TMEM232: variants seen among roughly 807,000 people sequenced by gnomAD.
TMEM232 encodes transmembrane protein 232.
A neutral mutation model predicts 78.8 loss-of-function variants in TMEM232; 80 were observed. That is an observed-to-expected ratio of 1.01 (90% CI 0.85 to 1.22). TMEM232 has a LOEUF of 1.22. TMEM232 is among the 50% of genes most tolerant of loss of function. The pLI is 0.00. For synonymous variants in TMEM232, 297 were observed against 254.3 expected, an observed-to-expected ratio of 1.17 and a Z score of -1.60; for missense variants, 881 against 742.2, an observed-to-expected ratio of 1.19 and a Z score of -2.17.
intron 11 of TMEM232, among the ~76,000 whole-genome samples, chr5:110,533,795 C>A (rs887159661): frequency 6.6e-6 from 1 of 152,160 alleles, no homozygotes; most frequent in Admixed American, 6.5e-5. Flanking sequence ...CTGTTCCTCA[C>A]CCTGATCACA....
chr5:110,396,191 T>C (rs1187015607), intron 3 of TMEM232, among the ~76,000 whole-genome samples: 1 of 152,148 alleles, frequency 6.6e-6, no homozygotes, highest in African/African-American at 2.4e-5. Flanking sequence ...AAACTACTGC[T>C]TTTAAACCAT....
At chr5:110,405,030 A>G (rs150660389) in intron 2 of TMEM232, among the ~76,000 whole-genome samples, 2 of 152,306 alleles carry the variant, frequency 1.3e-5, no homozygotes, top group African/African-American at 4.8e-5. Context: ...GAAGCTGATA[A>G]ACAGAAAGAA....
At chr5:110,590,360 A>C (rs1053564013) in intron 10 of TMEM232, among the ~76,000 whole-genome samples, 1 of 152,126 alleles carries the variant, frequency 6.6e-6, no homozygotes, top group Admixed American at 6.6e-5. Flanking sequence ...TGGGCCATAC[A>C]ATAGGAGATG....
chr5:110,684,030 TA>T (rs1178075718), intron 1 of TMEM232, among the ~76,000 whole-genome samples: 2 of 151,780 alleles, frequency 1.3e-5, no homozygotes, highest in Non-Finnish European at 2.9e-5. Context: ...TAAAAACAAA[TA>T]AAAAAACTTT....
chr5:110,695,771 A>G (rs551589520), intron 1 of TMEM232, among the ~76,000 whole-genome samples: 28 of 152,334 alleles, frequency 1.8e-4, no homozygotes, highest in African/African-American at 6.5e-4. Flanking sequence ...GAATCTCTGA[A>G]TAGACCAATA....
chr5:110,487,456 T>C (rs1764586129), intron 12 of TMEM232, among the ~76,000 whole-genome samples: 1 of 152,168 alleles, frequency 6.6e-6, no homozygotes. Flanking sequence ...TTGTCATAGA[T>C]GGCTTTTATT....
chr5:110,704,948 G>A (rs181249276), intron 1 of TMEM232, among the ~76,000 whole-genome samples: 18 of 152,170 alleles, frequency 1.2e-4, no homozygotes, highest in Admixed American at 1.0e-3. Context: ...TTTGTGACTG[G>A]AGGTCTATGA....
chr5:110,578,677 A>T (rs1777834651), intron 10 of TMEM232, among the ~76,000 whole-genome samples: 1 of 151,938 alleles, frequency 6.6e-6, no homozygotes, highest in African/African-American at 2.4e-5. Flanking sequence ...ACCACTGATT[A>T]GAAGGGATCT....
At chr5:110,681,749 A>G (rs1792778629) in intron 1 of TMEM232, among the ~76,000 whole-genome samples, 2 of 152,228 alleles carry the variant, frequency 1.3e-5, no homozygotes, top group East Asian at 1.9e-4. Context: ...CTTGGTCACA[A>G]ATACTAATCA....
intron 2 of TMEM232, 89 bp from the exon 3 acceptor site, chr5:110,642,460 C>T (rs1786871138): frequency 2.3e-6 from 2 of 872,536 alleles, no homozygotes; most frequent in South Asian, 3.9e-5. Flanking sequence ...CTATGTATAA[C>T]TATATTCTAG....
chr5:110,428,517 G>C (rs1757488773), intron 12 of TMEM232, among the ~76,000 whole-genome samples: 1 of 151,680 alleles, frequency 6.6e-6, no homozygotes, highest in Middle Eastern at 3.2e-3. Flanking sequence ...GGGAGGTCTA[G>C]GAGCCTAACT....
intron 1 of TMEM232, among the ~76,000 whole-genome samples, chr5:110,678,930 G>A (rs1792367653): frequency 6.6e-6 from 1 of 152,022 alleles, no homozygotes. Flanking sequence ...TCTACTGAAG[G>A]ACATCTTAGT....
At chr5:110,661,526 G>A (rs1025035377) in intron 2 of TMEM232, among the ~76,000 whole-genome samples, 1 of 151,982 alleles carries the variant, frequency 6.6e-6, no homozygotes, top group Non-Finnish European at 1.5e-5. Flanking sequence ...TACCCAGGCT[G>A]GTCTCAAACT....
chr5:110,708,178 C>A (rs1796128947), intron 1 of TMEM232, among the ~76,000 whole-genome samples: 1 of 152,088 alleles, frequency 6.6e-6, no homozygotes, highest in Non-Finnish European at 1.5e-5. Context: ...TAGGTCCCAG[C>A]TTGGTCATAG....
At chr5:110,587,637 G>T (rs946823536) in intron 10 of TMEM232, among the ~76,000 whole-genome samples, 5 of 136,952 alleles carry the variant, frequency 3.7e-5, no homozygotes, top group Non-Finnish European at 7.7e-5. Flanking sequence ...CTTTTATTAT[G>T]ATGATGGTTT....
intron 2 of TMEM232, among the ~76,000 whole-genome samples, chr5:110,398,351 T>A (rs959906371): frequency 6.6e-6 from 1 of 152,174 alleles, no homozygotes; most frequent in Non-Finnish European, 1.5e-5. Context: ...TTGGGTAGAC[T>A]GAATAAAGGA....
chr5:110,392,970 A>G (rs1323313455), intron 3 of TMEM232, among the ~76,000 whole-genome samples: 2 of 152,198 alleles, frequency 1.3e-5, no homozygotes, highest in Non-Finnish European at 2.9e-5. Context: ...ATGTTCATGA[A>G]TTTGGTGATT....
intron 1 of TMEM232, among the ~76,000 whole-genome samples, chr5:110,721,122 T>C (rs1027814152): frequency 1.1e-4 from 16 of 152,010 alleles, no homozygotes; most frequent in African/African-American, 3.4e-4. Context: ...ATAAGACAAT[T>C]TTTCTAAAGC....
At chr5:110,580,089 A>G (rs1232596724) in intron 10 of TMEM232, among the ~76,000 whole-genome samples, 1 of 151,764 alleles carries the variant, frequency 6.6e-6, no homozygotes, top group African/African-American at 2.4e-5. Context: ...TATGTAATAT[A>G]AAAGGATCAA....
Sources: allele counts gnomAD v4.1 joint callset (sites outside exome capture counted in the v4.1 genomes callset), GRCh38; gene constraint gnomAD v4.1.1; transcripts MANE v1.5; gene names NCBI Gene and HGNC (gene_info 2026-07-23, HGNC 2026-07-21).